Variants in CIDEA observed in about 807,000 individuals in gnomAD.
CIDEA encodes the protein lipid transferase CIDEA.
CIDEA carries 10 observed loss-of-function variants against 18.2 expected under a neutral mutation model. The observed-to-expected ratio is 0.55, with a 90% CI of 0.34 to 0.93. CIDEA has a LOEUF of 0.93. Among genes scored for constraint, CIDEA ranks in the 40% least tolerant of loss-of-function variants. The pLI, the probability that CIDEA is intolerant of heterozygous loss-of-function variation, is 0.02. For synonymous variants in CIDEA, 128 were observed against 124.8 expected (o/e 1.03, Z -0.17); for missense variants, 309 against 293.1 (o/e 1.05, Z -0.40).
At position 12,266,314 on chromosome 18, in the gene CIDEA, G is replaced by C. The variant is rs545084100; in HGVS notation, c.330+1861G>C. ...ACCAAAAAATACAAAAATTAGCCTGGCGTAGTGGTGCATACCTCTAGTCCC... is the reference window on the plus strand; with the variant it reads ...ACCAAAAAATACAAAAATTAGCCTGCCGTAGTGGTGCATACCTCTAGTCCC... On this transcript the variant is annotated intron_variant, in intron 3 of 4. Coordinates refer to ENST00000320477, the MANE Select transcript of CIDEA (RefSeq NM_001279.4). Among the ~76,000 whole-genome samples, 54 of 152,116 alleles carry C rather than the reference G, an allele frequency of 3.5e-4. 1 individual carries two copies. Among genetic ancestry groups the C allele is most frequent in the Non-Finnish European group, 2.4e-4 (16 of 68,028 alleles).
chr18:12,262,800 T>C (rs780666399), intron 1 of CIDEA, 25 bp from the exon 2 acceptor site: 13 of 1,600,830 alleles, frequency 8.1e-6, no homozygotes, highest in Middle Eastern at 3.3e-4. Context: ...TTTTAAAAAG[T>C]TTTACTTTTC....
At chr18:12,267,662 T>G (rs1912389441) in intron 3 of CIDEA, among the ~76,000 whole-genome samples, 1 of 152,116 alleles carries the variant, frequency 6.6e-6, no homozygotes, top group South Asian at 2.1e-4. Flanking sequence ...GCCTGGCTAA[T>G]TTTTGTATTT....
At chr18:12,273,997 A>T (rs1912625502) in intron 3 of CIDEA, 96 bp from the exon 4 acceptor site, 2 of 1,349,800 alleles carry the variant, frequency 1.5e-6, no homozygotes, top group Admixed American at 2.0e-5. Flanking sequence ...CCTTAAACAG[A>T]CACATAGGAG....
chr18:12,268,865 G>A (rs1276245699), intron 3 of CIDEA, among the ~76,000 whole-genome samples: 6 of 149,176 alleles, frequency 4.0e-5, no homozygotes, highest in South Asian at 2.1e-4. Flanking sequence ...TCGCTCTGTC[G>A]CCCAGGCTGG....
chr18:12,265,874 G>A (rs1274536289), intron 3 of CIDEA, among the ~76,000 whole-genome samples: 4 of 152,120 alleles, frequency 2.6e-5, no homozygotes, highest in Non-Finnish European at 4.4e-5. Context: ...TGCCAGGACC[G>A]CAGATGTTGG....
chr18:12,276,868 GGT>G (rs1905352334), intron 4 of CIDEA, among the ~76,000 whole-genome samples: 1 of 150,930 alleles, frequency 6.6e-6, no homozygotes, highest in South Asian at 2.1e-4. Flanking sequence ...TTCTTGCGGT[GGT>G]CTTGGGCCAG....
chr18:12,274,027 A>G lies in CIDEA; in HGVS notation c.331-66A>G. 5 of 1,554,318 alleles carry G rather than the reference A, an allele frequency of 3.2e-6. No individual in the cohort carries two copies. In the South Asian group the frequency reaches 5.7e-5, roughly 18 times the overall value. The stretch of plus-strand genomic sequence containing the variant: ...TAGGAGAATCTGAAGCTGGCATAAG[A>G]GCAGAGTGATGACGTGGGAGGGTTA... On this transcript the variant is annotated intron_variant, in intron 3 of 4. Transcript: ENST00000320477.
chr18:12,268,013 C>A (rs1361227710), intron 3 of CIDEA, among the ~76,000 whole-genome samples: 2 of 152,166 alleles, frequency 1.3e-5, no homozygotes, highest in African/African-American at 2.4e-5. Context: ...GGTCGAGAAA[C>A]TATAAGCTAT....
At chr18:12,268,229 C>CTTTTTTTTTTTTTTTTTTT (rs1491473988) in intron 3 of CIDEA, among the ~76,000 whole-genome samples, 1 of 73,000 alleles carries the variant, frequency 1.4e-5, no homozygotes. Flanking sequence ...CATGCCCGGC[C>CTTTTTTTTTTTTTTTTTTT]ATTTTTTTTT....
intron 4 of CIDEA, among the ~76,000 whole-genome samples, chr18:12,275,532 C>T (rs561733175): frequency 2.0e-5 from 3 of 152,242 alleles, no homozygotes; most frequent in South Asian, 2.1e-4. Flanking sequence ...GTCTTCAAGT[C>T]GAAAAGTTTT....
At chr18:12,260,470 G>C (rs1222115570) in intron 1 of CIDEA, among the ~76,000 whole-genome samples, 2 of 152,142 alleles carry the variant, frequency 1.3e-5, no homozygotes, top group African/African-American at 4.8e-5. Context: ...ACAGGCATGA[G>C]CCATTGCACC....
chr18:12,267,235 C>T (rs1448766518), intron 3 of CIDEA, among the ~76,000 whole-genome samples: 2 of 152,222 alleles, frequency 1.3e-5, no homozygotes, highest in Admixed American at 1.3e-4. Flanking sequence ...TGTGTTAGAG[C>T]GTCCATGGCA....
chr18:12,275,338 G>T (rs985758049), intron 4 of CIDEA, among the ~76,000 whole-genome samples: 10 of 152,122 alleles, frequency 6.6e-5, no homozygotes, highest in Non-Finnish European at 1.3e-4. Context: ...GCAAGACTGT[G>T]TCTCAAAAAT....
intron 1 of CIDEA, among the ~76,000 whole-genome samples, chr18:12,256,116 C>A (rs963791105): frequency 6.6e-6 from 1 of 152,148 alleles, no homozygotes; most frequent in African/African-American, 2.4e-5. Flanking sequence ...TGAAATCTAC[C>A]TGTTACCAAA....
chr18:12,265,798 A>T (rs2144072367), intron 3 of CIDEA, among the ~76,000 whole-genome samples: 1 of 152,286 alleles, frequency 6.6e-6, no homozygotes, highest in East Asian at 1.9e-4. Flanking sequence ...TTCACAATCA[A>T]AACACAGAAC....
chr18:12,256,469 G>T (rs1332879148), intron 1 of CIDEA, among the ~76,000 whole-genome samples: 1 of 152,192 alleles, frequency 6.6e-6, no homozygotes, highest in Non-Finnish European at 1.5e-5. Flanking sequence ...TTGGTCCTGA[G>T]GAAAGCAGCC....
chr18:12,260,161 G>A (rs907091670), intron 1 of CIDEA, among the ~76,000 whole-genome samples: 1 of 151,718 alleles, frequency 6.6e-6, no homozygotes, highest in Non-Finnish European at 1.5e-5. Flanking sequence ...CTACTCTCAG[G>A]TTTTTGGTCT....
chr18:12,258,652 C>T (rs1912104917), intron 1 of CIDEA, among the ~76,000 whole-genome samples: 3 of 152,204 alleles, frequency 2.0e-5, no homozygotes, highest in Admixed American at 2.0e-4. Flanking sequence ...TGGCCAGGTG[C>T]CGCACCGCTG....
At chr18:12,267,165 CCCAG>C (rs771503395) in intron 3 of CIDEA, among the ~76,000 whole-genome samples, 11 of 152,146 alleles carry the variant, frequency 7.2e-5, no homozygotes, top group Non-Finnish European at 1.5e-4. Context: ...CAGACTATGA[CCCAG>C]CAGCTGCTTT....
Sources: allele counts gnomAD v4.1 joint callset (sites outside exome capture counted in the v4.1 genomes callset), GRCh38; gene constraint gnomAD v4.1.1; transcripts MANE v1.5; gene names NCBI Gene and HGNC (gene_info 2026-07-23, HGNC 2026-07-21).